DPP10: variants seen among roughly 807,000 people sequenced by gnomAD.
The protein encoded by DPP10 is inactive dipeptidyl peptidase 10.
In DPP10, 33 loss-of-function variants were observed where a neutral mutation model predicts 120.9. The observed-to-expected ratio is 0.27, with a 90% CI of 0.21 to 0.37. The LOEUF (loss-of-function observed/expected upper bound fraction) is 0.37. DPP10 is among the 10% of genes least tolerant of loss of function. The pLI is 1.00. For missense variants in DPP10, 816 were observed against 942.8 expected (o/e 0.87, Z 1.76); for synonymous variants, 337 against 326.1 (o/e 1.03, Z -0.36).
chr2:114,752,541 T>C (rs1679334746), intron 1 of DPP10, among the ~76,000 whole-genome samples: 3 of 152,212 alleles, frequency 2.0e-5, no homozygotes, highest in African/African-American at 7.2e-5. Context: ...ACAGTAAAGA[T>C]ATCAGTTTGT....
intron 2 of DPP10, among the ~76,000 whole-genome samples, chr2:115,326,972 G>T (rs2062403999): frequency 6.6e-6 from 1 of 152,000 alleles, no homozygotes; most frequent in South Asian, 2.1e-4. Flanking sequence ...AATATCTTAG[G>T]CATTCATATT....
At chr2:115,262,090 T>G (rs1210030159) in intron 1 of DPP10, among the ~76,000 whole-genome samples, 1 of 152,202 alleles carries the variant, frequency 6.6e-6, no homozygotes, top group Non-Finnish European at 1.5e-5. Context: ...CTTTCCTTGT[T>G]TTTAACACAG....
intron 1 of DPP10, among the ~76,000 whole-genome samples, chr2:115,002,903 A>G (rs1422133213): frequency 1.3e-5 from 2 of 152,130 alleles, no homozygotes; most frequent in Admixed American, 6.5e-5. Flanking sequence ...ATGCTTATAT[A>G]CTGCTGATGG....
chr2:114,530,615 A>G (rs1469914082), intron 1 of DPP10, among the ~76,000 whole-genome samples: 1 of 152,142 alleles, frequency 6.6e-6, no homozygotes, highest in East Asian at 1.9e-4. Context: ...GCACAAGCCA[A>G]TAACTCAAGT....
At chr2:114,844,334 C>T (rs1688382320) in intron 1 of DPP10, among the ~76,000 whole-genome samples, 1 of 151,888 alleles carries the variant, frequency 6.6e-6, no homozygotes, top group Non-Finnish European at 1.5e-5. Flanking sequence ...GATAAGACGA[C>T]AGCGGTCAGA....
chr2:114,862,723 T>C (rs991925866), intron 1 of DPP10, among the ~76,000 whole-genome samples: 1 of 152,120 alleles, frequency 6.6e-6, no homozygotes, highest in African/African-American at 2.4e-5. Flanking sequence ...AGGAGAAATG[T>C]AGGCTGAAGA....
intron 3 of DPP10, among the ~76,000 whole-genome samples, chr2:115,447,780 C>G (rs1574874767): frequency 6.6e-6 from 1 of 152,162 alleles, no homozygotes; most frequent in South Asian, 2.1e-4. Flanking sequence ...AAACCTCTTT[C>G]CTTTGTAAAT....
chr2:115,621,087 T>C (rs1216264548), intron 5 of DPP10, among the ~76,000 whole-genome samples: 1 of 152,206 alleles, frequency 6.6e-6, no homozygotes, highest in African/African-American at 2.4e-5. Flanking sequence ...TGAAATTCTT[T>C]CCATACTTAC....
intron 3 of DPP10, among the ~76,000 whole-genome samples, chr2:115,377,369 C>T (rs1053444818): frequency 1.3e-5 from 2 of 152,122 alleles, no homozygotes; most frequent in Non-Finnish European, 2.9e-5. Flanking sequence ...AGTGTCTGTT[C>T]ATGTCCTTCA....
At chr2:114,505,163 AC>A (rs2104540783) in intron 1 of DPP10, among the ~76,000 whole-genome samples, 1 of 152,028 alleles carries the variant, frequency 6.6e-6, no homozygotes, top group Non-Finnish European at 1.5e-5. Flanking sequence ...TCCTTACAAA[AC>A]AAAATAAAAA....
chr2:115,498,431 AT>A (rs202088972), intron 3 of DPP10, among the ~76,000 whole-genome samples: 1,670 of 152,064 alleles, frequency 0.011, 30 homozygotes, highest in African/African-American at 0.039. Flanking sequence ...GTAACTCATC[AT>A]TTAGTACTTG....
chr2:115,182,541 C>A (rs2054147450), intron 1 of DPP10, among the ~76,000 whole-genome samples: 1 of 152,128 alleles, frequency 6.6e-6, no homozygotes, highest in African/African-American at 2.4e-5. Flanking sequence ...TTATTCCAGC[C>A]CCTCTTTGGG....
chr2:115,003,763 G>A (rs1701616680), intron 1 of DPP10, among the ~76,000 whole-genome samples: 1 of 152,052 alleles, frequency 6.6e-6, no homozygotes, highest in Admixed American at 6.6e-5. Context: ...TTTATAGAAA[G>A]AGATTAATGA....
chr2:115,333,221 T>C (rs1229367287), intron 2 of DPP10, among the ~76,000 whole-genome samples: 4 of 152,164 alleles, frequency 2.6e-5, no homozygotes, highest in Non-Finnish European at 5.9e-5. Flanking sequence ...TTAAAGTCTG[T>C]TTTATCAGAC....
intron 1 of DPP10, among the ~76,000 whole-genome samples, chr2:115,261,050 TTC>T (rs2059229585): frequency 6.6e-6 from 1 of 152,158 alleles, no homozygotes; most frequent in Non-Finnish European, 1.5e-5. Context: ...GAAACTGCAT[TTC>T]ATAGCCAATA....
At chr2:114,491,710 A>G (rs1337866334) in intron 1 of DPP10, among the ~76,000 whole-genome samples, 1 of 152,228 alleles carries the variant, frequency 6.6e-6, no homozygotes, top group Non-Finnish European at 1.5e-5. Flanking sequence ...ATAAAAATAC[A>G]TGCTCTCAAG....
At chr2:114,812,006 G>T (rs1685217730) in intron 1 of DPP10, among the ~76,000 whole-genome samples, 1 of 152,106 alleles carries the variant, frequency 6.6e-6, no homozygotes, top group South Asian at 2.1e-4. Flanking sequence ...GCTTTGCCCT[G>T]GGTTACATTT....
At chr2:114,763,895 A>C (rs1183515513) in intron 1 of DPP10, among the ~76,000 whole-genome samples, 2 of 152,144 alleles carry the variant, frequency 1.3e-5, no homozygotes, top group Non-Finnish European at 1.5e-5. Context: ...TGATCTCATC[A>C]TTGTCAGCCT....
chr2:115,079,899 A>G (rs968563462), intron 1 of DPP10, among the ~76,000 whole-genome samples: 2 of 152,176 alleles, frequency 1.3e-5, no homozygotes, highest in African/African-American at 4.8e-5. Flanking sequence ...AATATTTCCT[A>G]CAATTGGAAA....
Sources: allele counts gnomAD v4.1 joint callset (sites outside exome capture counted in the v4.1 genomes callset), GRCh38; gene constraint gnomAD v4.1.1; transcripts MANE v1.5; gene names NCBI Gene and HGNC (gene_info 2026-07-23, HGNC 2026-07-21).